The following CTIF variants were observed in gnomAD, a reference collection of about 807,000 sequenced individuals.
CTIF encodes CBP80/20-dependent translation initiation factor.
CTIF carries 21 observed loss-of-function variants against 66.0 expected under a neutral mutation model. The observed-to-expected ratio is 0.32, with a 90% confidence interval of 0.23 to 0.46. The LOEUF (loss-of-function observed/expected upper bound fraction) is 0.46, where lower values mean the gene tolerates loss of function less well. Ranked by LOEUF, CTIF falls within the 20% of genes least tolerant of loss-of-function variation. CTIF has a pLI of 1.00. For missense variants in CTIF, 739 were observed against 812.7 expected (o/e 0.91, Z 1.10); for synonymous variants, 345 against 326.4 (o/e 1.06, Z -0.62).
chr18:48,606,558 A>T (rs1014785622), intron 1 of CTIF, among the ~76,000 whole-genome samples: 1 of 152,006 alleles, frequency 6.6e-6, no homozygotes, highest in South Asian at 2.1e-4. Context: ...ATGACTTCGG[A>T]CTCCCTGGAG....
intron 1 of CTIF, among the ~76,000 whole-genome samples, chr18:48,589,421 T>C (rs11663657): frequency 0.11 from 16,983 of 152,212 alleles, 1,067 homozygotes; most frequent in South Asian, 0.21. Flanking sequence ...CAAATTTCCC[T>C]CTTCTTATAA....
At chr18:48,566,654 T>G (rs2089287168) in intron 1 of CTIF, 1 of 152,168 alleles carries the variant, frequency 6.6e-6, no homozygotes, top group Non-Finnish European at 1.5e-5. Flanking sequence ...TCCCATGCTC[T>G]GGGTACCTGT....
At chr18:48,638,468 T>C (rs1464711033) in intron 3 of CTIF, among the ~76,000 whole-genome samples, 1 of 151,798 alleles carries the variant, frequency 6.6e-6, no homozygotes, top group East Asian at 1.9e-4. Context: ...TCTCCAGGGG[T>C]TCAGGAAGTG....
intron 10 of CTIF, among the ~76,000 whole-genome samples, chr18:48,825,883 G>A (rs989240724): frequency 1.4e-4 from 22 of 152,168 alleles, no homozygotes; most frequent in Admixed American, 2.6e-4. Context: ...GGGTTTGCTC[G>A]GCAGGGATAT....
intron 1 of CTIF, among the ~76,000 whole-genome samples, chr18:48,613,177 G>A (rs4939551): frequency 0.53 from 80,869 of 151,972 alleles, 22,954 homozygotes; most frequent in Non-Finnish European, 0.63. Context: ...TCCTCATGCC[G>A]TTTGTCACTG....
intron 3 of CTIF, among the ~76,000 whole-genome samples, chr18:48,661,123 A>C (rs1474493532): frequency 6.6e-6 from 1 of 152,232 alleles, no homozygotes; most frequent in Non-Finnish European, 1.5e-5. Context: ...CTGTGGGGGC[A>C]CAAAGAGAAA....
At chr18:48,637,620 C>T (rs1175946317) in intron 3 of CTIF, among the ~76,000 whole-genome samples, 2 of 152,158 alleles carry the variant, frequency 1.3e-5, no homozygotes, top group African/African-American at 4.8e-5. Context: ...GGCAGATTCA[C>T]CCAACTCCTC....
intron 1 of CTIF, chr18:48,565,699 G>C (rs1294192712): frequency 6.6e-6 from 1 of 152,020 alleles, no homozygotes; most frequent in Non-Finnish European, 1.5e-5. Context: ...CACATGCCTG[G>C]GACAGTGCCT....
At chr18:48,599,035 C>T (rs998390211) in intron 1 of CTIF, among the ~76,000 whole-genome samples, 7 of 152,128 alleles carry the variant, frequency 4.6e-5, no homozygotes, top group African/African-American at 1.7e-4. Context: ...GACCTCTCTG[C>T]GTGGGAGGAC....
At chr18:48,639,991 T>C (rs1464442294) in intron 3 of CTIF, among the ~76,000 whole-genome samples, 2 of 152,192 alleles carry the variant, frequency 1.3e-5, no homozygotes, top group South Asian at 2.1e-4. Flanking sequence ...GAAAGCCCCA[T>C]GTAGCTGGCC....
intron 1 of CTIF, among the ~76,000 whole-genome samples, chr18:48,614,022 G>A (rs552395156): frequency 6.6e-6 from 1 of 152,172 alleles, no homozygotes; most frequent in Non-Finnish European, 1.5e-5. Context: ...GAGGGGAGAG[G>A]CGTGTCTTTT....
intron 7 of CTIF, among the ~76,000 whole-genome samples, chr18:48,730,620 C>T (rs191310586): frequency 0.015 from 537 of 37,020 alleles, 150 homozygotes; most frequent in African/African-American, 0.023. Flanking sequence ...GTGAGGGGCT[C>T]CTGCGGTGTG....
chr18:48,561,553 G>T (rs942470260), intron 1 of CTIF, among the ~76,000 whole-genome samples: 2 of 152,144 alleles, frequency 1.3e-5, no homozygotes, highest in African/African-American at 4.8e-5. Context: ...GCTGGCTGCT[G>T]GGGGCTGCAG....
chr18:48,676,095 G>A (rs1372058944), intron 6 of CTIF, among the ~76,000 whole-genome samples: 5 of 152,096 alleles, frequency 3.3e-5, no homozygotes, highest in East Asian at 1.9e-4. Context: ...GTGTGAAGTC[G>A]GCGCGACCAG....
intron 7 of CTIF, among the ~76,000 whole-genome samples, chr18:48,737,530 A>G (rs1404457303): frequency 6.6e-6 from 1 of 152,266 alleles, no homozygotes; most frequent in Non-Finnish European, 1.5e-5. Context: ...ATTTTTAGAA[A>G]TCAATCAGAT....
chr18:48,797,495 G>GA (rs980805777), intron 9 of CTIF, among the ~76,000 whole-genome samples: 9 of 148,152 alleles, frequency 6.1e-5, no homozygotes, highest in Middle Eastern at 3.4e-3. Flanking sequence ...AAAGAAAAGG[G>GA]GTGGGGGGGC....
At position 48,861,677 on chromosome 18, in the gene CTIF, C is replaced by T. The variant is rs1416361280; in HGVS notation, c.*2118C>T. ...AGGCAGGGGAGTGGGGTCTCCCAGA[C>T]CCAACGGTGAGCTCAGAGCAAGCTT... On this transcript the variant is annotated 3_prime_UTR_variant, in exon 12 of 12. Transcript: ENST00000256413. 6.6e-6 allele frequency: 1 copy of T among 152,370 alleles called. No homozygotes were observed. Among genetic ancestry groups the T allele is most frequent in the African/African-American group, 2.4e-5 (1 of 41,442 alleles). The allele number at this position is 152,370 out of a possible 1,614,324, so 9.4% of individuals were successfully genotyped here.
At chr18:48,833,697 G>T (rs75445538) in intron 10 of CTIF, among the ~76,000 whole-genome samples, 1 of 152,246 alleles carries the variant, frequency 6.6e-6, no homozygotes, top group East Asian at 1.9e-4. Context: ...GGGTAGGGAA[G>T]GTCACTGGCG....
intron 9 of CTIF, among the ~76,000 whole-genome samples, chr18:48,803,635 A>G (rs2068088720): frequency 1.3e-5 from 2 of 152,174 alleles, no homozygotes; most frequent in Admixed American, 6.5e-5. Context: ...CCCCAGCTGC[A>G]GAATGACCAC....
Sources: allele counts gnomAD v4.1 joint callset (sites outside exome capture counted in the v4.1 genomes callset), GRCh38; gene constraint gnomAD v4.1.1; transcripts MANE v1.5; gene names NCBI Gene and HGNC (gene_info 2026-07-23, HGNC 2026-07-21).